The following RBM47 variants were observed in gnomAD, a reference collection of about 807,000 sequenced individuals.
The protein encoded by RBM47 is RNA-binding protein 47.
Under a neutral mutation model 47.1 loss-of-function variants are expected in RBM47, and 21 were observed. The observed-to-expected ratio is 0.45, with a 90% CI of 0.32 to 0.64. The LOEUF (loss-of-function observed/expected upper bound fraction) is 0.64, where lower values mean the gene tolerates loss of function less well. Ranked by LOEUF, RBM47 falls within the 30% of genes least tolerant of loss-of-function variation. The probability of loss-of-function intolerance (pLI) is 0.05; values close to 1 mark genes in which losing one functional copy is unlikely to be tolerated. For synonymous variants in RBM47, 375 were observed against 361.7 expected (o/e 1.04, Z -0.42); for missense variants, 708 against 870.9 (o/e 0.81, Z 2.35).
At chr4:40,485,109 A>C (rs947359471) in intron 2 of RBM47, among the ~76,000 whole-genome samples, 2 of 152,210 alleles carry the variant, frequency 1.3e-5, no homozygotes, top group African/African-American at 4.8e-5. Flanking sequence ...TTCCTTACAA[A>C]GTATACCCAA....
chr4:40,507,149 G>T (rs1724214054), intron 2 of RBM47, among the ~76,000 whole-genome samples: 1 of 150,548 alleles, frequency 6.6e-6, no homozygotes, highest in Non-Finnish European at 1.5e-5. Context: ...TAGAGACACG[G>T]TTTCACCATG....
At chr4:40,433,998 C>CGGGGGGG (rs138012744) in intron 5 of RBM47, among the ~76,000 whole-genome samples, 3 of 42,102 alleles carry the variant, frequency 7.1e-5, no homozygotes, top group African/African-American at 1.9e-4. Context: ...GTGTGTGGGG[C>CGGGGGGG]GGGGGTGTGT....
intron 1 of RBM47, among the ~76,000 whole-genome samples, chr4:40,589,645 G>A (rs543249278): frequency 2.0e-5 from 3 of 152,148 alleles, no homozygotes; most frequent in Non-Finnish European, 4.4e-5. Flanking sequence ...CACCATGTTG[G>A]CTAGGCTGGT....
At chr4:40,483,997 A>G (rs1720765435) in intron 2 of RBM47, among the ~76,000 whole-genome samples, 1 of 152,218 alleles carries the variant, frequency 6.6e-6, no homozygotes, top group African/African-American at 2.4e-5. Context: ...ATTGAGAAAC[A>G]ATCCTTATAG....
At chr4:40,503,485 C>G (rs999799876) in intron 2 of RBM47, among the ~76,000 whole-genome samples, 1 of 152,136 alleles carries the variant, frequency 6.6e-6, no homozygotes. Flanking sequence ...AGAAGTGCTA[C>G]TAGCGGTGTC....
chr4:40,507,181 T>C (rs2154252047), intron 2 of RBM47, among the ~76,000 whole-genome samples: 1 of 152,164 alleles, frequency 6.6e-6, no homozygotes, highest in Middle Eastern at 3.4e-3. Context: ...GGTCTCGAAC[T>C]CCTAACCTCA....
At chr4:40,436,053 T>TC (rs1712300019) in intron 5 of RBM47, among the ~76,000 whole-genome samples, 1 of 147,914 alleles carries the variant, frequency 6.8e-6, no homozygotes, top group Non-Finnish European at 1.5e-5. Flanking sequence ...GCACCTGTAG[T>TC]CCCAGCTATT....
chr4:40,459,077 T>A (rs961545892), intron 3 of RBM47, among the ~76,000 whole-genome samples: 2 of 152,212 alleles, frequency 1.3e-5, no homozygotes, highest in Non-Finnish European at 2.9e-5. Context: ...AAAATTCGCC[T>A]TCTATTATGA....
Position 40,438,749 on chromosome 4 carries a change from C to G in RBM47, c.145G>C (p.Glu49Gln). 6.3e-7 allele frequency: 1 copy of G among 1,596,410 alleles called. No individual in the cohort carries two copies. The highest frequency in any genetic ancestry group is 8.5e-7 in the Non-Finnish European group (1 of 1,174,430). Residue 49 changes from glutamate (E) to glutamine (Q), a missense_variant, in exon 4 of 7, where the codon GAG becomes CAG. Transcript: ENST00000295971. Reference sequence around the variant, plus strand: ...CCGCCGTACTTGCGCTGCCCGTTCTCTTGCACCATGCTGTAGCCCGTGCGC... The same window carrying G: ...CCGCCGTACTTGCGCTGCCCGTTCTGTTGCACCATGCTGTAGCCCGTGCGC... ...MERTGYSMVQ[E>Q]NGQRKYGGPP... is the part of the protein sequence containing the mutation.
At chr4:40,436,195 C>A (rs1421549507) in intron 5 of RBM47, among the ~76,000 whole-genome samples, 5 of 46,418 alleles carry the variant, frequency 1.1e-4, no homozygotes, top group Non-Finnish European at 1.2e-4. Flanking sequence ...AACAAACAAA[C>A]AAACAAACAA....
chr4:40,591,206 C>T (rs1416919037), intron 1 of RBM47, among the ~76,000 whole-genome samples: 1 of 151,974 alleles, frequency 6.6e-6, no homozygotes, highest in Admixed American at 6.6e-5. Flanking sequence ...TGAGGAGTAA[C>T]TTCTTAAATG....
chr4:40,432,678 G>A lies in RBM47; in HGVS notation c.1515C>T (p.Pro505=), dbSNP rs1471500513. The A allele has an allele frequency of 3.1e-6, 5 of 1,610,794 alleles. No individual in the cohort carries two copies. Among genetic ancestry groups the A allele is most frequent in the Non-Finnish European group, 4.2e-6 (5 of 1,179,572 alleles). ...GGAAAGGTGGTGGCGTCGACACAGTGGGAATGACAGCGGCTGCGGCGGCTG... is the reference window on the plus strand; with the variant it reads ...GGAAAGGTGGTGGCGTCGACACAGTAGGAATGACAGCGGCTGCGGCGGCTG... The part of the protein sequence containing the change: ...AAAAAAAAVI[P]TVSTPPPFQG... Residue 505 remains proline (P), a synonymous_variant, in exon 6 of 7, where the codon CCC becomes CCT. Coordinates refer to ENST00000295971, the MANE Select transcript of RBM47 (RefSeq NM_001098634.2).
intron 1 of RBM47, among the ~76,000 whole-genome samples, chr4:40,582,271 C>T (rs1317799884): frequency 6.6e-6 from 1 of 152,184 alleles, no homozygotes; most frequent in Non-Finnish European, 1.5e-5. Context: ...TAGTGGCTCA[C>T]GCCTGTAATC....
chr4:40,531,151 G>A (rs529882632), intron 2 of RBM47, among the ~76,000 whole-genome samples: 8 of 151,944 alleles, frequency 5.3e-5, no homozygotes, highest in Admixed American at 3.9e-4. Context: ...CATGGACTTG[G>A]TTTACATAAA....
intron 1 of RBM47, among the ~76,000 whole-genome samples, chr4:40,545,666 AAAATAAATAAATAAAT>A (rs150331418): frequency 2.2e-5 from 3 of 133,644 alleles, no homozygotes; most frequent in African/African-American, 5.5e-5. Context: ...CTCCTTCTCA[AAAATAAATAAATAAAT>A]AAATAAATAA....
intron 1 of RBM47, among the ~76,000 whole-genome samples, chr4:40,615,945 T>C (rs993633805): frequency 2.6e-5 from 4 of 152,134 alleles, no homozygotes; most frequent in African/African-American, 9.7e-5. Context: ...TGACATGATA[T>C]TGGAGAATAA....
At chr4:40,491,071 G>C (rs987593948) in intron 2 of RBM47, among the ~76,000 whole-genome samples, 4 of 152,072 alleles carry the variant, frequency 2.6e-5, no homozygotes, top group Non-Finnish European at 5.9e-5. Flanking sequence ...AAATCTTAGG[G>C]GAAAACCATA....
rs756734004 is a variant in RBM47, at chr4:40,629,838, C to A, written c.-682G>T. The A allele has an allele frequency of 6.6e-6, 1 of 152,202 alleles. No individual in the cohort carries two copies. Among genetic ancestry groups the A allele is most frequent in the African/African-American group, 2.4e-5 (1 of 41,466 alleles). 9.4% of individuals were successfully genotyped at this position (152,202 alleles called of 1,614,324 possible). A position where few individuals can be genotyped will look rare whatever the true frequency, so the allele number is the denominator to read the frequency against. ...CGCGTCCCGGCTGCGTGGGGCGCTG[C>A]GCACGGGAGCGCTCAGCGTCTAGTC... On this transcript the variant is annotated 5_prime_UTR_variant, in exon 1 of 7. Coordinates refer to ENST00000295971, the MANE Select transcript of RBM47 (RefSeq NM_001098634.2).
At chr4:40,602,358 G>A (rs1199962844) in intron 1 of RBM47, among the ~76,000 whole-genome samples, 6 of 151,720 alleles carry the variant, frequency 4.0e-5, no homozygotes, top group Admixed American at 3.9e-4. Context: ...GAGCCAAAAC[G>A]TAGAATATCG....
Sources: allele counts gnomAD v4.1 joint callset (sites outside exome capture counted in the v4.1 genomes callset), GRCh38; gene constraint gnomAD v4.1.1; transcripts MANE v1.5; gene names NCBI Gene and HGNC (gene_info 2026-07-23, HGNC 2026-07-21).